LRRFIP2: variants seen among roughly 807,000 people sequenced by gnomAD.
LRRFIP2 encodes leucine-rich repeat flightless-interacting protein 2.
A neutral mutation model predicts 125.9 loss-of-function variants in LRRFIP2; 109 were observed. The observed-to-expected ratio is 0.87, with a 90% CI of 0.74 to 1.01. The LOEUF (loss-of-function observed/expected upper bound fraction) is 1.01, where lower values mean the gene tolerates loss of function less well. Ranked by LOEUF, LRRFIP2 falls within the 50% of genes least tolerant of loss-of-function variation. LRRFIP2 has a pLI of 0.00. For synonymous variants in LRRFIP2, 291 were observed against 293.1 expected (o/e 0.99, Z 0.07); for missense variants, 850 against 862.3 (o/e 0.99, Z 0.18).
chr3:37,102,449 C>A (rs896041938), intron 15 of LRRFIP2, among the ~76,000 whole-genome samples: 9 of 150,158 alleles, frequency 6.0e-5, no homozygotes, highest in Admixed American at 5.3e-4. Flanking sequence ...TTAATAAATA[C>A]ATTCCAAAAC....
In LRRFIP2 at chr3:37,102,647, C is replaced by T. The variant is rs567610264; in HGVS notation, c.873+277G>A. On this transcript the variant is annotated intron_variant, in intron 15 of 27. Coordinates refer to ENST00000336686, the MANE Select transcript of LRRFIP2 (RefSeq NM_006309.4). ...CAGAGTAGCTGGGATTACAGGTGTG[C>T]GCCCCCACACCCAGCTAATTTTTTT... Among the ~76,000 whole-genome samples the T allele has an allele frequency of 1.8e-4, 28 of 151,390 alleles. No individual in the cohort carries two copies. The East Asian group carries it at 4.7e-3, about 25-fold the overall frequency.
intron 1 of LRRFIP2, among the ~76,000 whole-genome samples, chr3:37,155,239 T>C (rs2096149973): frequency 6.6e-6 from 1 of 152,158 alleles, no homozygotes; most frequent in Non-Finnish European, 1.5e-5. Context: ...TAATAAACTA[T>C]AAAGCACTCC....
At chr3:37,165,194 C>CA (rs1290423909) in intron 1 of LRRFIP2, among the ~76,000 whole-genome samples, 1 of 150,682 alleles carries the variant, frequency 6.6e-6, no homozygotes, top group Non-Finnish European at 1.5e-5. Context: ...GAGACTGCAC[C>CA]ACTGCACTCC....
At position 37,053,895 on chromosome 3, in the gene LRRFIP2, C is replaced by T. The variant is rs1288875881; in HGVS notation, c.2122G>A (p.Glu708Lys). The T allele has an allele frequency of 1.9e-6, 3 of 1,614,144 alleles. No individual in the cohort carries two copies. The highest frequency in any genetic ancestry group is 2.5e-6 in the Non-Finnish European group (3 of 1,179,982). ...MTNSHLAKRL[E>K]KMKANRTALL... ...GCTGTCCTATTGGCCTTCATCTTCT[C>T]CAGCCGCTTGGCCAGGTGGCTGTTG... Residue 708 changes from glutamate to lysine, a missense_variant, in exon 28 of 28, where the codon GAG becomes AAG. Transcript: ENST00000336686.
intron 11 of LRRFIP2, 94 bp downstream of exon 11, chr3:37,109,433 T>TA: frequency 1.5e-6 from 2 of 1,359,718 alleles, no homozygotes; most frequent in Non-Finnish European, 2.1e-6. Flanking sequence ...CATGTGTCCT[T>TA]AACTATTTTG....
chr3:37,104,385 G>A (rs1404015242), intron 14 of LRRFIP2, among the ~76,000 whole-genome samples: 2 of 152,160 alleles, frequency 1.3e-5, no homozygotes, highest in Non-Finnish European at 2.9e-5. Flanking sequence ...GTTTTTAGGT[G>A]TTGTGGCATA....
rs542095602 is a variant in LRRFIP2 at position 37,169,409 on chromosome 3, A to G, written c.-56+5130T>C. Among the ~76,000 whole-genome samples the G allele has an allele frequency of 3.3e-5, 5 of 152,346 alleles. No individual in the cohort carries two copies. The South Asian group carries it at 1.0e-3, about 32-fold the overall frequency. On this transcript the variant is annotated intron_variant, in intron 1 of 27. Coordinates refer to ENST00000336686, the MANE Select transcript of LRRFIP2 (RefSeq NM_006309.4). ...TCACCTAGATACAGCATTATCTGTGACAAGGGAAAAAACATCTAATCTAAA... is the reference window on the plus strand; with the variant it reads ...TCACCTAGATACAGCATTATCTGTGGCAAGGGAAAAAACATCTAATCTAAA...
At chr3:37,101,185 G>A (rs1056870293) in intron 15 of LRRFIP2, among the ~76,000 whole-genome samples, 4 of 151,442 alleles carry the variant, frequency 2.6e-5, no homozygotes, top group Non-Finnish European at 4.4e-5. Context: ...GTGAAACCCC[G>A]TCTCTACTAA....
intron 15 of LRRFIP2, among the ~76,000 whole-genome samples, chr3:37,101,114 T>C (rs1338906807): frequency 1.3e-5 from 2 of 152,026 alleles, no homozygotes; most frequent in African/African-American, 4.8e-5. Context: ...TCTCAGCACT[T>C]TGGGAGGCTG....
intron 2 of LRRFIP2, among the ~76,000 whole-genome samples, chr3:37,133,313 A>G (rs2095476662): frequency 6.6e-6 from 1 of 152,250 alleles, no homozygotes; most frequent in African/African-American, 2.4e-5. Flanking sequence ...TACATATACA[A>G]AAGAACTGGA....
Position 37,111,069 on chromosome 3 carries a change from C to T in LRRFIP2, c.439-4G>A, listed in dbSNP as rs2094530451. On this transcript the variant is annotated splice_polypyrimidine_tract_variant and splice_region_variant and intron_variant, in intron 8 of 27. Coordinates refer to ENST00000336686, the MANE Select transcript of LRRFIP2 (RefSeq NM_006309.4). The stretch of plus-strand genomic sequence containing the variant: ...TCTGGTCAAAGTAGAGGCCACTCTG[C>T]AAAAAGCAAAATTAAACACATTTTT... 6.2e-7 allele frequency: 1 copy of T among 1,611,846 alleles called. No individual in the cohort carries two copies. The highest frequency in any genetic ancestry group is 1.1e-5 in the South Asian group (1 of 90,898).
intron 19 of LRRFIP2, among the ~76,000 whole-genome samples, chr3:37,080,855 G>A (rs1251679271): frequency 3.9e-5 from 6 of 152,028 alleles, no homozygotes; most frequent in Non-Finnish European, 8.8e-5. Flanking sequence ...CCTGGATCCC[G>A]ATTTTTTTAA....
chr3:37,071,975 G>T (rs2091277927), intron 21 of LRRFIP2, among the ~76,000 whole-genome samples: 1 of 152,064 alleles, frequency 6.6e-6, no homozygotes, highest in South Asian at 2.1e-4. Context: ...CCTTACTTGG[G>T]GGAGTTCTGT....
intron 2 of LRRFIP2, 149 bp from the exon 3 acceptor site, chr3:37,129,298 T>A: frequency 1.5e-6 from 1 of 650,914 alleles, no homozygotes; most frequent in South Asian, 1.8e-5. Flanking sequence ...GATTGATTGT[T>A]TTAATCAACT....
At chr3:37,107,957 C>A in intron 13 of LRRFIP2, 116 bp downstream of exon 13, 1 of 764,500 alleles carries the variant, frequency 1.3e-6, no homozygotes, top group Non-Finnish European at 2.1e-6. Flanking sequence ...AAGGGAACAC[C>A]TAATCCATGC....
intron 15 of LRRFIP2, among the ~76,000 whole-genome samples, chr3:37,099,093 G>A (rs192851777): frequency 4.6e-5 from 7 of 152,172 alleles, no homozygotes; most frequent in Non-Finnish European, 8.8e-5. Context: ...CCCAATTGTC[G>A]CAACCCAAAC....
In LRRFIP2 at chr3:37,127,640, TGAA is replaced by T. The variant is rs2095318501; in HGVS notation, c.215_217del (p.Ile72_Gln73delinsLys). On this transcript the variant is annotated inframe_deletion, in exon 4 of 28. Transcript: ENST00000336686. Reference sequence around the variant, plus strand: ...GCAATACTGGCCTACCAGCCACTTCTGAATCTGTCCCCACTTCCGATCAAAGGA... The same window carrying T: ...GCAATACTGGCCTACCAGCCACTTCTTCTGTCCCCACTTCCGATCAAAGGA... The T allele has an allele frequency of 2.5e-6, 4 of 1,613,990 alleles. No homozygotes were observed. Among genetic ancestry groups the T allele is most frequent in the African/African-American group, 1.3e-5 (1 of 75,070 alleles).
chr3:37,116,054 C>G (rs189059957), intron 6 of LRRFIP2, among the ~76,000 whole-genome samples: 2 of 152,264 alleles, frequency 1.3e-5, no homozygotes, highest in East Asian at 3.9e-4. Flanking sequence ...TATTCAAAAA[C>G]CCAATCTAAA....
chr3:37,166,261 C>T (rs2096487628), intron 1 of LRRFIP2, among the ~76,000 whole-genome samples: 1 of 151,726 alleles, frequency 6.6e-6, no homozygotes, highest in Non-Finnish European at 1.5e-5. Context: ...ACCCAGGAGG[C>T]GGAGGTTGCA....
Sources: allele counts gnomAD v4.1 joint callset (sites outside exome capture counted in the v4.1 genomes callset), GRCh38; gene constraint gnomAD v4.1.1; transcripts MANE v1.5; gene names NCBI Gene and HGNC (gene_info 2026-07-23, HGNC 2026-07-21).